Variants in SLC9C2 observed in about 807,000 individuals in gnomAD.
The protein encoded by SLC9C2 is sodium/hydrogen exchanger 11.
Under a neutral mutation model 140.2 loss-of-function variants are expected in SLC9C2, and 75 were observed. The ratio of observed to expected loss-of-function variants is 0.53; its 90% CI spans 0.44 to 0.65. The LOEUF is 0.65. Ranked by LOEUF, SLC9C2 falls within the 30% of genes least tolerant of loss-of-function variation. The pLI is 0.00. For missense variants in SLC9C2, 1,074 were observed against 1,331.8 expected (o/e 0.81, Z 3.01); for synonymous variants, 375 against 420.9 (o/e 0.89, Z 1.34).
chr1:173,542,012 A>T (rs1379471134), intron 13 of SLC9C2, among the ~76,000 whole-genome samples: 1 of 152,308 alleles, frequency 6.6e-6, no homozygotes, highest in East Asian at 1.9e-4. Flanking sequence ...CTAAGATCAG[A>T]GCAGAACTGA....
chr1:173,563,559 T>A lies in SLC9C2; in HGVS notation c.1047-6051A>T, dbSNP rs79396306. Among the ~76,000 whole-genome samples, 1,244 of 152,280 alleles carry A rather than the reference T, an allele frequency of 8.2e-3. 17 individuals carry two copies. Among genetic ancestry groups the A allele is most frequent in the African/African-American group, 0.028 (1,174 of 41,544 alleles). On this transcript the variant is annotated intron_variant, in intron 9 of 27. Transcript: ENST00000367714. ...CAGTAAAAAAGTATATTAAAAATGT[T>A]TTAATTTTTAATTTTTGTGGGTACA...
intron 26 of SLC9C2, among the ~76,000 whole-genome samples, chr1:173,503,528 T>C (rs1029969689): frequency 2.0e-5 from 3 of 152,112 alleles, no homozygotes; most frequent in Non-Finnish European, 4.4e-5. Flanking sequence ...GACAAACTCA[T>C]ATGAGAATAG....
chr1:173,585,059 G>A (rs1285310189), intron 5 of SLC9C2, among the ~76,000 whole-genome samples: 1 of 152,088 alleles, frequency 6.6e-6, no homozygotes, highest in Non-Finnish European at 1.5e-5. Flanking sequence ...CCTTTTCTAA[G>A]CATATGGTTC....
chr1:173,564,642 T>C (rs1315822478), intron 9 of SLC9C2, among the ~76,000 whole-genome samples: 1 of 147,972 alleles, frequency 6.8e-6, no homozygotes, highest in East Asian at 1.9e-4. Flanking sequence ...CTTTTCTTTT[T>C]TTTTTTTTTT....
intron 13 of SLC9C2, 88 bp from the exon 14 acceptor site, chr1:173,537,127 T>C: frequency 1.0e-6 from 1 of 976,596 alleles, no homozygotes; most frequent in Non-Finnish European, 1.6e-6. Flanking sequence ...TCACTATTAT[T>C]ACTGAACTCA....
intron 2 of SLC9C2, 151 bp downstream of exon 2, chr1:173,601,499 T>G: frequency 1.2e-6 from 1 of 813,042 alleles, no homozygotes; most frequent in Non-Finnish European, 1.9e-6. Flanking sequence ...ACACTACTTA[T>G]AATTAAATGA....
At chr1:173,516,923 T>A (rs1359820491) in intron 23 of SLC9C2, among the ~76,000 whole-genome samples, 3 of 152,236 alleles carry the variant, frequency 2.0e-5, no homozygotes, top group Non-Finnish European at 4.4e-5. Context: ...TAATTTATAC[T>A]CCCACTAACA....
chr1:173,545,978 G>A (rs1299086459), intron 13 of SLC9C2, among the ~76,000 whole-genome samples: 1 of 152,118 alleles, frequency 6.6e-6, no homozygotes, highest in African/African-American at 2.4e-5. Context: ...GAAAAAGGTA[G>A]AAGCTACAAA....
At chr1:173,554,441 G>T (rs10753083) in intron 11 of SLC9C2, among the ~76,000 whole-genome samples, 76,894 of 151,940 alleles carry the variant, frequency 0.51, 21,169 homozygotes, top group East Asian at 0.95. Context: ...GGAAAGGAAC[G>T]TGGATTTCTA....
At chr1:173,552,435 G>C (rs1663376460) in intron 11 of SLC9C2, among the ~76,000 whole-genome samples, 1 of 152,162 alleles carries the variant, frequency 6.6e-6, no homozygotes, top group African/African-American at 2.4e-5. Context: ...TTACTAAAAA[G>C]GAAAAGCCAA....
intron 4 of SLC9C2, among the ~76,000 whole-genome samples, chr1:173,595,267 C>T (rs1390866864): frequency 6.6e-6 from 1 of 152,000 alleles, no homozygotes; most frequent in Non-Finnish European, 1.5e-5. Flanking sequence ...TCTTTATGTT[C>T]AATCATATGT....
chr1:173,583,061 G>A (rs1045748190), intron 6 of SLC9C2, among the ~76,000 whole-genome samples: 9 of 152,084 alleles, frequency 5.9e-5, no homozygotes, highest in African/African-American at 1.4e-4. Flanking sequence ...GTCCTCCTTC[G>A]GGTATCCATG....
At chr1:173,590,117 C>T (rs990196492) in intron 4 of SLC9C2, among the ~76,000 whole-genome samples, 1 of 151,978 alleles carries the variant, frequency 6.6e-6, no homozygotes, top group East Asian at 1.9e-4. Context: ...GTGGCGGATG[C>T]CTGTAATCCT....
At chr1:173,583,440 A>G (rs1665669237) in intron 6 of SLC9C2, 66 bp downstream of exon 6, 5 of 924,978 alleles carry the variant, frequency 5.4e-6, no homozygotes, top group South Asian at 1.6e-5. Context: ...AAGTTAAAAC[A>G]TTTGAATGTA....
At chr1:173,569,741 G>A (rs1165871190) in intron 9 of SLC9C2, among the ~76,000 whole-genome samples, 1 of 151,976 alleles carries the variant, frequency 6.6e-6, no homozygotes, top group African/African-American at 2.4e-5. Flanking sequence ...CTTGAGCCCA[G>A]GAGTTCAAGA....
intron 6 of SLC9C2, 100 bp from the exon 7 acceptor site, chr1:173,582,108 G>A (rs1665577383): frequency 1.1e-6 from 1 of 891,474 alleles, no homozygotes; most frequent in African/African-American, 1.7e-5. Context: ...GTTTGCTTGT[G>A]AGATTTTGAG....
intron 7 of SLC9C2, among the ~76,000 whole-genome samples, chr1:173,581,601 T>C (rs1437651200): frequency 6.6e-6 from 1 of 151,910 alleles, no homozygotes; most frequent in Non-Finnish European, 1.5e-5. Flanking sequence ...CAAAGTCAAA[T>C]GAAGAGTCCA....
At chr1:173,554,043 A>G (rs1332412515) in intron 11 of SLC9C2, among the ~76,000 whole-genome samples, 4 of 152,164 alleles carry the variant, frequency 2.6e-5, no homozygotes, top group Non-Finnish European at 2.9e-5. Context: ...TTATTTTATT[A>G]TATTTATGCA....
intron 6 of SLC9C2, among the ~76,000 whole-genome samples, chr1:173,582,376 G>T (rs527606181): frequency 4.1e-4 from 62 of 152,204 alleles, no homozygotes; most frequent in African/African-American, 1.4e-3. Flanking sequence ...AGCTAACTAG[G>T]CCCAGGGTCA....
Sources: allele counts gnomAD v4.1 joint callset (sites outside exome capture counted in the v4.1 genomes callset), GRCh38; gene constraint gnomAD v4.1.1; transcripts MANE v1.5; gene names NCBI Gene and HGNC (gene_info 2026-07-23, HGNC 2026-07-21).